COX10: variants seen among roughly 807,000 people sequenced by gnomAD.
COX10 encodes cytochrome c oxidase assembly factor heme A:farnesyltransferase COX10, also known as protoheme IX farnesyltransferase, mitochondrial.
A neutral mutation model predicts 37.3 loss-of-function variants in COX10; 27 were observed. The observed-to-expected ratio is 0.72, with a 90% CI of 0.53 to 1.00. COX10 has a LOEUF of 1.00. Ranked by LOEUF, COX10 falls within the 50% of genes least tolerant of loss-of-function variation. The pLI is 0.00. For synonymous variants in COX10, 222 were observed against 229.1 expected (o/e 0.97, Z 0.28); for missense variants, 475 against 563.2 (o/e 0.84, Z 1.59).
intron 4 of COX10, among the ~76,000 whole-genome samples, chr17:14,133,742 G>T (rs1480062086): frequency 6.6e-6 from 1 of 151,514 alleles, no homozygotes; most frequent in Non-Finnish European, 1.5e-5. Context: ...TGAAAAAAAT[G>T]ACTAATAATA....
At chr17:14,182,202 G>A (rs1275424367) in intron 5 of COX10, 3 of 885,488 alleles carry the variant, frequency 3.4e-6, no homozygotes, top group East Asian at 2.4e-4. Flanking sequence ...GCTGAGGTGG[G>A]AGAATCACTT....
chr17:14,187,969 T>C (rs1248368659), intron 5 of COX10, among the ~76,000 whole-genome samples: 2 of 152,206 alleles, frequency 1.3e-5, no homozygotes, highest in Non-Finnish European at 2.9e-5. Context: ...AAACTAAACT[T>C]CCACATAAAA....
intron 5 of COX10, among the ~76,000 whole-genome samples, chr17:14,168,245 G>T (rs2142245815): frequency 6.6e-6 from 1 of 152,338 alleles, no homozygotes; most frequent in South Asian, 2.1e-4. Flanking sequence ...CTCACATCCA[G>T]GGCACACTGA....
chr17:14,166,890 TC>T (rs1323091411), intron 5 of COX10, among the ~76,000 whole-genome samples: 1 of 146,994 alleles, frequency 6.8e-6, no homozygotes, highest in East Asian at 2.1e-4. Flanking sequence ...CTCCTCAGCC[TC>T]CCAAAGTGCT....
intron 3 of COX10, among the ~76,000 whole-genome samples, chr17:14,083,279 A>C (rs904425764): frequency 6.6e-6 from 1 of 152,120 alleles, no homozygotes; most frequent in Non-Finnish European, 1.5e-5. Flanking sequence ...GGTGACCCCT[A>C]CCCTTTTATC....
intron 4 of COX10, among the ~76,000 whole-genome samples, chr17:14,128,036 A>G (rs987668707): frequency 6.6e-5 from 10 of 151,916 alleles, no homozygotes; most frequent in African/African-American, 2.2e-4. Context: ...CAGATGCTGC[A>G]TATAAATCTG....
At chr17:14,158,811 G>A (rs1202621648) in intron 4 of COX10, among the ~76,000 whole-genome samples, 2 of 152,078 alleles carry the variant, frequency 1.3e-5, no homozygotes, top group African/African-American at 4.8e-5. Flanking sequence ...AACATAGCTG[G>A]GGAAGTACTG....
At chr17:14,144,292 G>A (rs1303407323) in intron 4 of COX10, among the ~76,000 whole-genome samples, 3 of 151,886 alleles carry the variant, frequency 2.0e-5, no homozygotes, top group South Asian at 2.1e-4. Context: ...TTAAATGATG[G>A]CATTTTCGAC....
chr17:14,167,121 C>G (rs1333439901), intron 5 of COX10, among the ~76,000 whole-genome samples: 1 of 152,036 alleles, frequency 6.6e-6, no homozygotes, highest in Non-Finnish European at 1.5e-5. Context: ...GCTTCCAACT[C>G]TAATGTATGA....
At chr17:14,182,417 ATT>A (rs1905896475) in intron 5 of COX10, 1 of 742,560 alleles carries the variant, frequency 1.3e-6, no homozygotes, top group African/African-American at 1.9e-5. Context: ...TTAAAATTTA[ATT>A]TTCTTTTAAA....
chr17:14,178,508 A>G (rs1405849998), intron 5 of COX10, among the ~76,000 whole-genome samples: 2 of 144,548 alleles, frequency 1.4e-5, no homozygotes, highest in Non-Finnish European at 3.1e-5. Context: ...TTCATATTTG[A>G]CAGGTTGTCC....
intron 5 of COX10, among the ~76,000 whole-genome samples, chr17:14,180,414 A>G (rs1187046677): frequency 2.6e-5 from 4 of 152,240 alleles, no homozygotes; most frequent in East Asian, 1.9e-4. Flanking sequence ...TGAAGAGTTC[A>G]CAAAAACTTT....
chr17:14,192,675 T>C (rs1906242735), intron 6 of COX10, among the ~76,000 whole-genome samples: 1 of 152,198 alleles, frequency 6.6e-6, no homozygotes, highest in Admixed American at 6.5e-5. Flanking sequence ...CATTAGTTTC[T>C]AATTTATTTT....
chr17:14,202,300 A>G (rs895978165), intron 6 of COX10, among the ~76,000 whole-genome samples: 3 of 151,262 alleles, frequency 2.0e-5, no homozygotes, highest in African/African-American at 4.9e-5. Flanking sequence ...TCATAGTTCA[A>G]TGCAGCCTAG....
intron 4 of COX10, among the ~76,000 whole-genome samples, chr17:14,156,022 G>A (rs1450523534): frequency 6.6e-6 from 1 of 152,106 alleles, no homozygotes; most frequent in Non-Finnish European, 1.5e-5. Flanking sequence ...GTCTACCTCT[G>A]GAGCTTCATC....
intron 5 of COX10, among the ~76,000 whole-genome samples, chr17:14,188,538 T>C (rs1906108866): frequency 6.6e-6 from 1 of 151,648 alleles, no homozygotes; most frequent in Non-Finnish European, 1.5e-5. Context: ...TGGTAAGCAG[T>C]GATACCAGCC....
At chr17:14,107,515 T>A (rs2142203867) in intron 4 of COX10, among the ~76,000 whole-genome samples, 1 of 152,134 alleles carries the variant, frequency 6.6e-6, no homozygotes, top group East Asian at 1.9e-4. Context: ...ATCTCCTCTT[T>A]GGTTCTTTTT....
At chr17:14,196,950 C>T (rs920592533) in intron 6 of COX10, among the ~76,000 whole-genome samples, 27 of 152,170 alleles carry the variant, frequency 1.8e-4, no homozygotes, top group African/African-American at 5.3e-4. Flanking sequence ...GCAGGTTGCA[C>T]GGAACATATT....
At chr17:14,163,575 T>C (rs1905215560) in intron 5 of COX10, among the ~76,000 whole-genome samples, 1 of 152,132 alleles carries the variant, frequency 6.6e-6, no homozygotes, top group Non-Finnish European at 1.5e-5. Context: ...TAATAAGGAA[T>C]GCTCATGTCA....
Sources: gnomAD v4.1 joint callset for allele counts (sites outside exome capture counted in the v4.1 genomes callset) on GRCh38, gnomAD v4.1.1 for gene constraint, MANE v1.5 for transcripts, NCBI Gene and HGNC (gene_info 2026-07-23, HGNC 2026-07-21) for gene names.